Variants in WDFY4 observed in about 807,000 individuals in gnomAD.
WDFY4 encodes WDFY family member 4, also known as WD repeat- and FYVE domain-containing protein 4.
In WDFY4, 169 loss-of-function variants were observed where a neutral mutation model predicts 351.9. That is an observed-to-expected ratio of 0.48 (90% CI 0.42 to 0.55). The LOEUF (loss-of-function observed/expected upper bound fraction) is 0.55, where lower values mean the gene tolerates loss of function less well. Among genes scored for constraint, WDFY4 ranks in the 20% least tolerant of loss-of-function variants. The pLI, the probability that WDFY4 is intolerant of heterozygous loss-of-function variation, is 0.00. For synonymous variants in WDFY4, 1,622 were observed against 1,574.6 expected (o/e 1.03, Z -0.71); for missense variants, 3,803 against 3,935.6 (o/e 0.97, Z 0.90).
intron 54 of WDFY4, among the ~76,000 whole-genome samples, chr10:48,964,472 TAG>T (rs1841991695): frequency 6.6e-6 from 1 of 152,222 alleles, no homozygotes; most frequent in Non-Finnish European, 1.5e-5. Context: ...GCTCTGGATA[TAG>T]AGAGTATTCT....
At chr10:48,905,577 A>G (rs1160866650) in intron 47 of WDFY4, among the ~76,000 whole-genome samples, 1 of 152,190 alleles carries the variant, frequency 6.6e-6, no homozygotes, top group Admixed American at 6.5e-5. Flanking sequence ...GCACAGTCTC[A>G]GCACAGCTCC....
chr10:48,914,200 A>G lies in WDFY4; in HGVS notation c.7586+12337A>G, dbSNP rs757320585. ...GTTAGAAGTTTATTGTTCTGATTGG[A>G]TAGTGATCAGTGTGAGGAAAAATCA... On this transcript the variant is annotated intron_variant, in intron 47 of 61. Transcript: ENST00000325239. The G allele has an allele frequency of 2.9e-5, 45 of 1,571,466 alleles. 1 individual carries two copies. The South Asian group carries it at 4.8e-4, about 17-fold the overall frequency.
At chr10:48,957,719 G>A (rs945048337) in intron 52 of WDFY4, among the ~76,000 whole-genome samples, 2 of 152,188 alleles carry the variant, frequency 1.3e-5, no homozygotes, top group Non-Finnish European at 2.9e-5. Context: ...GGTGTCCTGG[G>A]GTAGACTGCT....
At chr10:48,701,801 C>A (rs758894370) in intron 1 of WDFY4, among the ~76,000 whole-genome samples, 1 of 152,122 alleles carries the variant, frequency 6.6e-6, no homozygotes, top group Admixed American at 6.5e-5. Flanking sequence ...TTTACCACCT[C>A]GTGGGGTGTT....
At chr10:48,955,283 CAT>C (rs1453104943) in intron 51 of WDFY4, among the ~76,000 whole-genome samples, 1 of 152,260 alleles carries the variant, frequency 6.6e-6, no homozygotes, top group Non-Finnish European at 1.5e-5. Flanking sequence ...GGAAAAGCCA[CAT>C]GTTTAAAGCT....
At chr10:48,733,483 C>G (rs1045754491) in intron 9 of WDFY4, among the ~76,000 whole-genome samples, 3 of 152,200 alleles carry the variant, frequency 2.0e-5, no homozygotes, top group African/African-American at 7.2e-5. Flanking sequence ...AATGAGCAGG[C>G]AGTCATCCCT....
chr10:48,833,713 G>T (rs1187675316), intron 39 of WDFY4, among the ~76,000 whole-genome samples: 1 of 152,218 alleles, frequency 6.6e-6, no homozygotes. Context: ...CTTCTTCAGA[G>T]GTGGACTGTG....
chr10:48,828,821 A>G lies in WDFY4; in HGVS notation c.6265A>G (p.Thr2089Ala), dbSNP rs746728068. ...FGLEPKPRMSTYHQVFLSPNE... is the reference protein window; with the variant it reads ...FGLEPKPRMSAYHQVFLSPNE... ...ATTGGAGCCCAAGCCTAGAATGTCT[A>G]CTTATCATCAAGTCTTCCTTTCCCC... The change falls in exon 37 of 62, where the codon ACT (threonine) becomes GCT (alanine). Residue 2089 changes from threonine to alanine, a missense_variant. Transcript: ENST00000325239. 7 of 1,549,902 alleles carry G rather than the reference A, an allele frequency of 4.5e-6. No individual in the cohort carries two copies. The South Asian group carries it at 4.8e-5, about 11-fold the overall frequency.
intron 43 of WDFY4, among the ~76,000 whole-genome samples, chr10:48,877,446 A>T (rs1031428538): frequency 2.6e-5 from 4 of 152,246 alleles, no homozygotes; most frequent in Admixed American, 2.6e-4. Context: ...CAAACTGTTA[A>T]GTGAAAAATA....
chr10:48,782,641 C>G (rs905060051), intron 19 of WDFY4, among the ~76,000 whole-genome samples: 1 of 152,194 alleles, frequency 6.6e-6, no homozygotes, highest in Non-Finnish European at 1.5e-5. Context: ...CCAAGATAAA[C>G]ATAAAGGCCT....
At position 48,729,585 on chromosome 10, in the gene WDFY4, A is replaced by G; in HGVS notation, c.1125A>G (p.Ala375=). The change falls in exon 8 of 62, where the codon GCA becomes GCG. Residue 375 remains alanine, a synonymous_variant. Coordinates refer to ENST00000325239, the MANE Select transcript of WDFY4 (RefSeq NM_001394531.1). ...QLEGFKFHHE[A]SGVTVKNLQA... ...AAGGCTTCAAGTTCCATCATGAGGC[A>G]TCTGGTGAGTCTTTCCTGTGTCTGG... 2 of 1,551,656 alleles carry G rather than the reference A, an allele frequency of 1.3e-6. No homozygotes were observed. Among genetic ancestry groups the G allele is most frequent in the Non-Finnish European group, 1.7e-6 (2 of 1,146,966 alleles).
intron 53 of WDFY4, among the ~76,000 whole-genome samples, chr10:48,963,617 G>A (rs1045754087): frequency 2.0e-5 from 3 of 152,180 alleles, no homozygotes; most frequent in Non-Finnish European, 4.4e-5. Context: ...CTGGGGTGGT[G>A]AAAACAGTCA....
rs2069866490 is a variant in WDFY4, at chr10:48,873,503, G to A, written c.6754G>A (p.Gly2252Ser). ...TTCTGCTCCCCAGAGGCGAAAATGT[G>A]GCAACATCAAGGCAGCCAACGCCTG... ...YKDHVQRRKC[G>S]NIKAANAWAR... The change falls in exon 41 of 62, where the codon GGC becomes AGC. Residue 2252 changes from glycine to serine, a missense_variant. This residue lies in a region of WDFY4 where 3,054 missense variants were observed against 3,148.6 expected (regional missense o/e 0.97). Transcript: ENST00000325239. 1 of 1,549,436 alleles carries A rather than the reference G, an allele frequency of 6.5e-7. No individual in the cohort carries two copies. The highest frequency in any genetic ancestry group is 8.7e-7 in the Non-Finnish European group (1 of 1,145,966).
At chr10:48,933,235 C>G (rs868308565) in intron 47 of WDFY4, among the ~76,000 whole-genome samples, 1 of 152,182 alleles carries the variant, frequency 6.6e-6, no homozygotes, top group African/African-American at 2.4e-5. Flanking sequence ...GCTAGAGGGG[C>G]CTAGCACTTC....
At chr10:48,880,858 G>A (rs1433869781) in intron 43 of WDFY4, among the ~76,000 whole-genome samples, 1 of 152,170 alleles carries the variant, frequency 6.6e-6, no homozygotes, top group East Asian at 1.9e-4. Flanking sequence ...AGGCACGCCT[G>A]CTTCTGGAGA....
chr10:48,806,215 G>A (rs929489970), intron 27 of WDFY4, 120 bp downstream of exon 27: 34 of 983,052 alleles, frequency 3.5e-5, no homozygotes, highest in African/African-American at 1.1e-4. Flanking sequence ...CAGCCAAGCC[G>A]TGGTTTCCAA....
At chr10:48,956,998 C>T in intron 51 of WDFY4, 131 bp from the exon 52 acceptor site, 2 of 1,220,474 alleles carry the variant, frequency 1.6e-6, no homozygotes, top group South Asian at 1.5e-5. Context: ...CTGATGGGTA[C>T]ACGTGTGTGA....
intron 47 of WDFY4, among the ~76,000 whole-genome samples, chr10:48,919,581 G>T (rs1838866880): frequency 6.6e-6 from 1 of 152,186 alleles, no homozygotes; most frequent in African/African-American, 2.4e-5. Context: ...CAAGTCACTG[G>T]CAGATTTGCC....
intron 55 of WDFY4, chr10:48,968,145 CT>C (rs1842168352): frequency 6.6e-6 from 1 of 152,266 alleles, no homozygotes; most frequent in Non-Finnish European, 1.5e-5. Context: ...GGCTCAGTTT[CT>C]TCATGTGTAA....
Sources: allele counts gnomAD v4.1 joint callset (sites outside exome capture counted in the v4.1 genomes callset), GRCh38; gene constraint gnomAD v4.1.1; regional missense constraint gnomAD v4.1.1; transcripts MANE v1.5; gene names NCBI Gene and HGNC (gene_info 2026-07-23, HGNC 2026-07-21).